The following PLCL1 variants were observed in gnomAD, a reference collection of about 807,000 sequenced individuals.
PLCL1 encodes inactive phospholipase C-like protein 1.
Under a neutral mutation model 84.4 loss-of-function variants are expected in PLCL1, and 41 were observed. That is an observed-to-expected ratio of 0.49 (90% CI 0.38 to 0.63). PLCL1 has a LOEUF of 0.63. Ranked by LOEUF, PLCL1 falls within the 30% of genes least tolerant of loss-of-function variation. PLCL1 has a pLI of 0.00. For missense variants in PLCL1, 1,206 were observed against 1,367.8 expected (o/e 0.88, Z 1.87); for synonymous variants, 490 against 488.3 (o/e 1.00, Z -0.05).
intron 1 of PLCL1, among the ~76,000 whole-genome samples, chr2:198,054,052 C>T (rs975765539): frequency 3.3e-5 from 5 of 152,054 alleles, no homozygotes; most frequent in Admixed American, 1.3e-4. Context: ...ATAGACTTTA[C>T]GTCAAAAACT....
At chr2:197,905,493 T>C (rs1688362453) in intron 1 of PLCL1, among the ~76,000 whole-genome samples, 1 of 152,272 alleles carries the variant, frequency 6.6e-6, no homozygotes, top group African/African-American at 2.4e-5. Context: ...ATCTAGTCTA[T>C]GATTGATGGG....
At chr2:197,875,183 G>A (rs1402496602) in intron 1 of PLCL1, among the ~76,000 whole-genome samples, 2 of 152,078 alleles carry the variant, frequency 1.3e-5, no homozygotes, top group Non-Finnish European at 2.9e-5. Flanking sequence ...CTGCTCGGGA[G>A]GCTGAGGCAG....
intron 1 of PLCL1, among the ~76,000 whole-genome samples, chr2:198,064,054 C>T (rs1006515062): frequency 2.0e-5 from 3 of 152,150 alleles, no homozygotes; most frequent in Non-Finnish European, 4.4e-5. Flanking sequence ...AACTTTTATT[C>T]AACAAGTATT....
chr2:197,876,784 C>T (rs946690752), intron 1 of PLCL1, among the ~76,000 whole-genome samples: 2 of 152,094 alleles, frequency 1.3e-5, no homozygotes, highest in Admixed American at 1.3e-4. Flanking sequence ...CTAACATCAT[C>T]AAGTCTTGCA....
intron 1 of PLCL1, among the ~76,000 whole-genome samples, chr2:198,007,337 C>G (rs918533512): frequency 1.3e-5 from 2 of 151,982 alleles, no homozygotes; most frequent in Admixed American, 6.5e-5. Context: ...CACCCCACCC[C>G]CCTCTTGTTT....
At chr2:197,930,060 C>G (rs1280877484) in intron 1 of PLCL1, among the ~76,000 whole-genome samples, 1 of 152,042 alleles carries the variant, frequency 6.6e-6, no homozygotes, top group African/African-American at 2.4e-5. Flanking sequence ...TGTGCAAATG[C>G]CTACTAATCT....
intron 1 of PLCL1, among the ~76,000 whole-genome samples, chr2:197,897,115 T>C (rs1178047307): frequency 5.5e-5 from 2 of 36,632 alleles, no homozygotes; most frequent in Admixed American, 2.7e-4. Flanking sequence ...CTTCTTCTTC[T>C]TCTTCTTCTT....
chr2:197,894,726 T>C (rs1437103831), intron 1 of PLCL1, among the ~76,000 whole-genome samples: 1 of 151,918 alleles, frequency 6.6e-6, no homozygotes, highest in Non-Finnish European at 1.5e-5. Context: ...TATTCATGAG[T>C]GTATTTAAAG....
chr2:198,123,843 AT>A (rs1001099556), intron 5 of PLCL1, among the ~76,000 whole-genome samples: 46 of 152,016 alleles, frequency 3.0e-4, no homozygotes, highest in Admixed American at 2.0e-4. Flanking sequence ...AACCTAACTA[AT>A]GCCTGAGGAT....
At chr2:198,108,510 G>A (rs1179063336) in intron 5 of PLCL1, among the ~76,000 whole-genome samples, 1 of 151,820 alleles carries the variant, frequency 6.6e-6, no homozygotes, top group African/African-American at 2.4e-5. Flanking sequence ...GGTGCAAAGG[G>A]GCATTGGCTT....
Position 198,058,273 on chromosome 2 carries a change from C to G in PLCL1, c.241-25485C>G, listed in dbSNP as rs533263370. ...TATGGTTGGTTTTATATAGACATTG[C>G]TTTCCTACAATTCTATAAATAAAAT... is the stretch of plus-strand genomic sequence containing the variant. On this transcript the variant is annotated intron_variant, in intron 1 of 5. Transcript: ENST00000428675. 9.7e-4 allele frequency among the ~76,000 whole-genome samples: 148 copies of G among 152,210 alleles called. 2 individuals are homozygous for G. The South Asian group carries it at 0.012, about 12-fold the overall frequency.
intron 5 of PLCL1, among the ~76,000 whole-genome samples, chr2:198,140,657 G>A (rs1009004908): frequency 6.6e-6 from 1 of 152,074 alleles, no homozygotes; most frequent in Non-Finnish European, 1.5e-5. Context: ...AACAGAGTAT[G>A]ATTTCAAAAT....
chr2:198,041,147 T>C (rs1376143363), intron 1 of PLCL1, among the ~76,000 whole-genome samples: 1 of 152,208 alleles, frequency 6.6e-6, no homozygotes, highest in Non-Finnish European at 1.5e-5. Flanking sequence ...GACTGTTTTC[T>C]GCCTAACATT....
intron 1 of PLCL1, among the ~76,000 whole-genome samples, chr2:197,862,247 T>C (rs552420659): frequency 4.5e-4 from 68 of 152,306 alleles, no homozygotes; most frequent in African/African-American, 1.6e-3. Context: ...AAAACAATCA[T>C]TTGGAGAATT....
chr2:198,038,123 G>GCATAAACC (rs1691585912), intron 1 of PLCL1, among the ~76,000 whole-genome samples: 1 of 152,232 alleles, frequency 6.6e-6, no homozygotes, highest in African/African-American at 2.4e-5. Flanking sequence ...AAGTGACTAA[G>GCATAAACC]CATAAACCTT....
At chr2:197,921,031 C>T (rs1278498801) in intron 1 of PLCL1, among the ~76,000 whole-genome samples, 2 of 152,146 alleles carry the variant, frequency 1.3e-5, no homozygotes, top group Non-Finnish European at 2.9e-5. Flanking sequence ...CAGACTTAGA[C>T]GGTGTAGCCT....
chr2:198,036,401 AGAG>A (rs1691551145), intron 1 of PLCL1, among the ~76,000 whole-genome samples: 2 of 152,232 alleles, frequency 1.3e-5, no homozygotes, highest in African/African-American at 4.8e-5. Context: ...TTGAGATGCT[AGAG>A]AAGTTTGCTA....
chr2:197,897,568 T>C (rs1310159045), intron 1 of PLCL1, among the ~76,000 whole-genome samples: 2 of 152,030 alleles, frequency 1.3e-5, no homozygotes, highest in Non-Finnish European at 2.9e-5. Context: ...ATGCATTAAA[T>C]GAGAAAAAAA....
intron 1 of PLCL1, among the ~76,000 whole-genome samples, chr2:197,932,486 C>G (rs1688956487): frequency 6.6e-6 from 1 of 152,108 alleles, no homozygotes; most frequent in Admixed American, 6.6e-5. Flanking sequence ...GTCCTGCATG[C>G]ATTGACTATT....
Sources: gnomAD v4.1 joint callset for allele counts (sites outside exome capture counted in the v4.1 genomes callset) on GRCh38, gnomAD v4.1.1 for gene constraint, MANE v1.5 for transcripts, NCBI Gene and HGNC (gene_info 2026-07-23, HGNC 2026-07-21) for gene names.